The following AKR1C2 variants were observed in gnomAD, a reference collection of about 807,000 sequenced individuals.
AKR1C2 encodes the protein 3-alpha-HSD3.
A neutral mutation model predicts 39.8 loss-of-function variants in AKR1C2; 27 were observed. That is an observed-to-expected ratio of 0.68 (90% CI 0.50 to 0.93). The LOEUF (loss-of-function observed/expected upper bound fraction) is 0.93. Among genes scored for constraint, AKR1C2 ranks in the 40% least tolerant of loss-of-function variants. The pLI is 0.00. For missense variants in AKR1C2, 263 were observed against 365.1 expected (o/e 0.72, Z 2.28); for synonymous variants, 114 against 137.9 (o/e 0.83, Z 1.22).
intron 1 of AKR1C2, among the ~76,000 whole-genome samples, chr10:5,016,181 T>G (rs1476373525): frequency 6.6e-6 from 1 of 152,152 alleles, no homozygotes; most frequent in African/African-American, 2.4e-5. Context: ...CTTTTCACAT[T>G]TCCAAAGATA....
intron 1 of AKR1C2, among the ~76,000 whole-genome samples, chr10:5,002,704 C>A (rs1480274232): frequency 6.6e-6 from 1 of 152,178 alleles, no homozygotes; most frequent in Non-Finnish European, 1.5e-5. Flanking sequence ...ATCTTCCCAC[C>A]TTGAAAGTAT....
chr10:5,000,340 T>C (rs1837219242), intron 3 of AKR1C2: 1 of 1,532,110 alleles, frequency 6.5e-7, no homozygotes, highest in African/African-American at 1.4e-5. Context: ...GATTCTGCAC[T>C]CTCTTTTCTT....
At chr10:5,006,084 G>C (rs1231328252), upstream of AKR1C2, 1 of 152,196 alleles carries the variant, frequency 6.6e-6, no homozygotes, top group Non-Finnish European at 1.5e-5. Flanking sequence ...AAAGAAATGT[G>C]AACAGGTCCT....
chr10:5,001,486 G>T, intron 2 of AKR1C2, 28 bp downstream of exon 2: 1 of 1,604,058 alleles, frequency 6.2e-7, no homozygotes, highest in East Asian at 2.2e-5. Context: ...AAATACATGT[G>T]CACACAAGCT....
intron 1 of AKR1C2, chr10:5,014,766 C>G (rs1554775212): frequency 6.6e-6 from 1 of 152,212 alleles, no homozygotes; most frequent in African/African-American, 2.4e-5. Flanking sequence ...TTGGGGTTGC[C>G]AATACCTCCA....
At chr10:5,014,670 G>A (rs1438723320) in intron 1 of AKR1C2, among the ~76,000 whole-genome samples, 3 of 152,176 alleles carry the variant, frequency 2.0e-5, no homozygotes, top group Non-Finnish European at 2.9e-5. Flanking sequence ...TTGGGTGCCT[G>A]GCTGTGCAGT....
At chr10:5,003,591 AAGC>A (rs1286885401) in intron 1 of AKR1C2, among the ~76,000 whole-genome samples, 158 bp downstream of exon 1, 3 of 151,938 alleles carry the variant, frequency 2.0e-5, no homozygotes, top group African/African-American at 7.2e-5. Flanking sequence ...TGCCACAAAT[AAGC>A]AGTAGATGAC....
chr10:4,998,249 C>T (rs112454117), intron 5 of AKR1C2, among the ~76,000 whole-genome samples: 9,756 of 150,692 alleles, frequency 0.065, 520 homozygotes, highest in African/African-American at 0.15. Flanking sequence ...ACTGTTCATT[C>T]CATCTCTTCA....
intron 7 of AKR1C2, among the ~76,000 whole-genome samples, chr10:4,992,616 A>T (rs1554772379): frequency 6.6e-6 from 1 of 151,344 alleles, no homozygotes; most frequent in Non-Finnish European, 1.5e-5. Flanking sequence ...ATATTAGAAA[A>T]TCCACAAAAT....
At chr10:4,998,316 G>A (rs1435112764) in intron 5 of AKR1C2, among the ~76,000 whole-genome samples, 1 of 152,034 alleles carries the variant, frequency 6.6e-6, no homozygotes, top group Non-Finnish European at 1.5e-5. Context: ...CCACTCTCTG[G>A]TCATCTTTCG....
intron 7 of AKR1C2, among the ~76,000 whole-genome samples, chr10:4,992,352 G>A (rs1379480589): frequency 6.6e-6 from 1 of 152,196 alleles, no homozygotes; most frequent in African/African-American, 2.4e-5. Context: ...CATCACTCAA[G>A]CCAATAATTG....
upstream of AKR1C2, chr10:5,007,459 A>C (rs1360989064): frequency 6.6e-6 from 1 of 152,058 alleles, no homozygotes; most frequent in Non-Finnish European, 1.5e-5. Context: ...CATTGATTTC[A>C]GAGTGGATGG....
chr10:5,004,266 T>A (rs147493239), upstream of AKR1C2, among the ~76,000 whole-genome samples: 43 of 152,318 alleles, frequency 2.8e-4, no homozygotes, highest in African/African-American at 9.9e-4. Flanking sequence ...TTTCTCTCTC[T>A]CACACACACA....
intron 4 of AKR1C2, 137 bp from the exon 5 acceptor site, chr10:4,998,884 A>T: frequency 7.1e-7 from 1 of 1,416,314 alleles, no homozygotes. Context: ...AAAGGGAGAA[A>T]ATAAAACAGA....
upstream of AKR1C2, among the ~76,000 whole-genome samples, chr10:5,008,712 A>C (rs1280520018): frequency 6.6e-6 from 1 of 152,268 alleles, no homozygotes; most frequent in African/African-American, 2.4e-5. Flanking sequence ...TGAGTCATAC[A>C]TAAAGAACAC....
At chr10:5,011,770 G>A (rs570809980) in intron 1 of AKR1C2, among the ~76,000 whole-genome samples, 3 of 152,350 alleles carry the variant, frequency 2.0e-5, no homozygotes, top group South Asian at 4.1e-4. Flanking sequence ...GAGGAAACAC[G>A]AGAGACCCAA....
At position 4,995,201 on chromosome 10, in the gene AKR1C2, A is replaced by G. The variant is rs374994333; in HGVS notation, c.846+118T>C. 3.2e-4 allele frequency: 446 copies of G among 1,375,706 alleles called. No individual in the cohort carries two copies. The African/African-American group carries it at 5.9e-3, about 18-fold the overall frequency. The allele number at this position is 1,375,706 out of a possible 1,614,324, so 85.2% of individuals were successfully genotyped here. Reference sequence around the variant, plus strand: ...CCCTTATGACGTACACAAAGAGTTCATGCATAGGAAATACAGGGAAATGGA... The same window carrying G: ...CCCTTATGACGTACACAAAGAGTTCGTGCATAGGAAATACAGGGAAATGGA... On this transcript the variant is annotated intron_variant, in intron 7 of 8. Coordinates refer to ENST00000380753, the MANE Select transcript of AKR1C2 (RefSeq NM_001393392.1).
At chr10:5,014,538 C>G (rs1272029484) in intron 1 of AKR1C2, among the ~76,000 whole-genome samples, 1 of 152,134 alleles carries the variant, frequency 6.6e-6, no homozygotes, top group Non-Finnish European at 1.5e-5. Flanking sequence ...TTCAACCTTT[C>G]TTATCTTGAA....
intron 1 of AKR1C2, among the ~76,000 whole-genome samples, chr10:5,012,283 C>A (rs1837539929): frequency 6.6e-6 from 1 of 151,938 alleles, no homozygotes; most frequent in African/African-American, 2.4e-5. Flanking sequence ...AGGCTCAATA[C>A]TGCTCCCTCC....
Sources: allele counts gnomAD v4.1 joint callset (sites outside exome capture counted in the v4.1 genomes callset), GRCh38; gene constraint gnomAD v4.1.1; transcripts MANE v1.5; gene names NCBI Gene and HGNC (gene_info 2026-07-23, HGNC 2026-07-21).